LRRC18: variants seen among roughly 807,000 people sequenced by gnomAD.
LRRC18 encodes leucine rich repeat containing 18, also known as leucine-rich repeat-containing protein 18.
LRRC18 carries 12 observed loss-of-function variants against 11.2 expected under a neutral mutation model. The ratio of observed to expected loss-of-function variants is 1.07; its 90% CI spans 0.69 to 1.74. The LOEUF (loss-of-function observed/expected upper bound fraction) is 1.74. LRRC18 is among the 40% of genes most tolerant of loss of function. The pLI, the probability that LRRC18 is intolerant of heterozygous loss-of-function variation, is 0.00. For missense variants in LRRC18, 374 were observed against 330.5 expected, an observed-to-expected ratio of 1.13 and a Z score of -1.02; for synonymous variants, 155 against 130.6, an observed-to-expected ratio of 1.19 and a Z score of -1.27.
chr10:48,918,796 T>G (rs905638960), upstream of LRRC18, among the ~76,000 whole-genome samples: 1 of 152,182 alleles, frequency 6.6e-6, no homozygotes, highest in African/African-American at 2.4e-5. Context: ...CCTTGTACAT[T>G]GTAGAATGTT....
At chr10:48,913,780 C>G (rs768130694) in exon 1 of LRRC18, 30 of 1,614,118 alleles carry the variant, frequency 1.9e-5, no homozygotes, top group Non-Finnish European at 2.5e-5. Context: ...CCTAGGTTCA[C>G]AGCGCGGATG....
At chr10:48,910,333 C>A in intron 1 of LRRC18, 75 bp from the exon 4 acceptor site, 1 of 1,280,862 alleles carries the variant, frequency 7.8e-7, no homozygotes, top group Non-Finnish European at 1.1e-6. Context: ...GCAGAGGTCA[C>A]ACCAGCTCAC....
At chr10:48,914,447 A>G (rs1838313178), upstream of LRRC18, among the ~76,000 whole-genome samples, 1 of 152,210 alleles carries the variant, frequency 6.6e-6, no homozygotes, top group Non-Finnish European at 1.5e-5. Flanking sequence ...TAGGAGGTGC[A>G]GGGTCAGCCT....
chr10:48,935,903 C>CTTT, the LRRC18 span, among the ~76,000 whole-genome samples: 123 of 149,370 alleles, frequency 8.2e-4, no homozygotes, highest in South Asian at 3.4e-3. Context: ...CATCTATGGT[C>CTTT]TTTTTTTTTT....
At chr10:48,918,034 T>C (rs947334551), upstream of LRRC18, among the ~76,000 whole-genome samples, 8 of 152,182 alleles carry the variant, frequency 5.3e-5, no homozygotes, top group African/African-American at 1.7e-4. Context: ...AAGCAGACAG[T>C]AAAGTATGTG....
At chr10:48,923,927 C>T in the LRRC18 span, among the ~76,000 whole-genome samples, 1 of 152,174 alleles carries the variant, frequency 6.6e-6, no homozygotes, top group East Asian at 1.9e-4. Flanking sequence ...GCCAGTTGGG[C>T]CCAGCTGTGC....
At chr10:48,938,644 T>A in the LRRC18 span, among the ~76,000 whole-genome samples, 2 of 152,218 alleles carry the variant, frequency 1.3e-5, no homozygotes, top group Non-Finnish European at 2.9e-5. Context: ...AGGGCACTGA[T>A]GCTGTGCAGT....
chr10:48,913,582 T>A, exon 1 of LRRC18: 1 of 1,614,184 alleles, frequency 6.2e-7, no homozygotes, highest in Non-Finnish European at 8.5e-7. Context: ...AGCCTCCTGA[T>A]GGAGTCTATG....
chr10:48,925,094 G>T, the LRRC18 span, among the ~76,000 whole-genome samples: 1 of 152,148 alleles, frequency 6.6e-6, no homozygotes, highest in African/African-American at 2.4e-5. Context: ...TTACTTGTCG[G>T]TCATCTCTTA....
the LRRC18 span, among the ~76,000 whole-genome samples, chr10:48,919,666 C>G: frequency 2.0e-5 from 3 of 152,176 alleles, no homozygotes; most frequent in Non-Finnish European, 4.4e-5. Context: ...GAGAGCAAAA[C>G]AATTGTCTGG....
upstream of LRRC18, among the ~76,000 whole-genome samples, chr10:48,914,836 G>A (rs568571063): frequency 7.9e-5 from 12 of 152,312 alleles, no homozygotes; most frequent in South Asian, 2.1e-3. Context: ...GCTGGGCCCA[G>A]CAGCACCATA....
At chr10:48,923,529 T>C in the LRRC18 span, among the ~76,000 whole-genome samples, 4 of 148,722 alleles carry the variant, frequency 2.7e-5, 1 homozygote, top group Admixed American at 2.7e-4. Flanking sequence ...AAATACCGCA[T>C]AGTCCTGTAT....
the LRRC18 span, among the ~76,000 whole-genome samples, chr10:48,939,734 A>T: frequency 6.6e-6 from 1 of 152,260 alleles, no homozygotes; most frequent in Non-Finnish European, 1.5e-5. Flanking sequence ...ATTTTTAAAA[A>T]ATAGATCTCA....
the LRRC18 span, among the ~76,000 whole-genome samples, chr10:48,939,098 G>A: frequency 7.2e-5 from 11 of 152,182 alleles, no homozygotes; most frequent in Non-Finnish European, 1.3e-4. Context: ...TGTCCACTGG[G>A]CTGACTGAGC....
chr10:48,924,452 T>A, the LRRC18 span, among the ~76,000 whole-genome samples: 1 of 152,120 alleles, frequency 6.6e-6, no homozygotes, highest in South Asian at 2.1e-4. Flanking sequence ...AAGCTGATAG[T>A]TATAGGGAGA....
chr10:48,937,910 C>T, the LRRC18 span, among the ~76,000 whole-genome samples: 2 of 152,118 alleles, frequency 1.3e-5, no homozygotes, highest in Non-Finnish European at 2.9e-5. Flanking sequence ...CAACTCTGTC[C>T]CTGCCACACT....
the LRRC18 span, among the ~76,000 whole-genome samples, chr10:48,933,238 A>G: frequency 6.6e-6 from 1 of 152,194 alleles, no homozygotes; most frequent in South Asian, 2.1e-4. Flanking sequence ...AGAGGGGCCT[A>G]GCACTTCCCA....
the LRRC18 span, among the ~76,000 whole-genome samples, chr10:48,923,956 C>T: frequency 2.6e-5 from 4 of 152,182 alleles, no homozygotes; most frequent in Non-Finnish European, 4.4e-5. Context: ...CACAGCCCAC[C>T]CACACTGTGA....
the LRRC18 span, among the ~76,000 whole-genome samples, chr10:48,928,484 G>A: frequency 6.6e-6 from 1 of 151,872 alleles, no homozygotes; most frequent in Non-Finnish European, 1.5e-5. Context: ...TGCCAGCCCA[G>A]TAGAAACCCT....
Sources: allele counts gnomAD v4.1 joint callset (sites outside exome capture counted in the v4.1 genomes callset), GRCh38; gene constraint gnomAD v4.1.1; transcripts MANE v1.5; gene names NCBI Gene and HGNC (gene_info 2026-07-23, HGNC 2026-07-21).